CFAP299: variants seen among roughly 807,000 people sequenced by gnomAD.
CFAP299 encodes the protein cilia and flagella associated protein 299.
Under a neutral mutation model 27.0 loss-of-function variants are expected in CFAP299, and 21 were observed. That is an observed-to-expected ratio of 0.78 (90% CI 0.55 to 1.12). The LOEUF (loss-of-function observed/expected upper bound fraction) is 1.12, where lower values mean the gene tolerates loss of function less well. Ranked by LOEUF, CFAP299 falls within the 50% of genes most tolerant of loss-of-function variation. CFAP299 has a pLI of 0.00. For missense variants in CFAP299, 310 were observed against 276.6 expected (o/e 1.12, Z -0.86); for synonymous variants, 104 against 98.1 (o/e 1.06, Z -0.36).
At chr4:80,658,704 C>T (rs1740685654) in intron 3 of CFAP299, among the ~76,000 whole-genome samples, 1 of 152,052 alleles carries the variant, frequency 6.6e-6, no homozygotes, top group South Asian at 2.1e-4. Context: ...TTCATCCTCT[C>T]TCAGATAGTA....
At chr4:80,743,735 A>G (rs963810436) in intron 3 of CFAP299, among the ~76,000 whole-genome samples, 9 of 152,230 alleles carry the variant, frequency 5.9e-5, no homozygotes, top group Admixed American at 1.3e-4. Context: ...TAAAACCTAG[A>G]TGATGGGTTG....
intron 3 of CFAP299, among the ~76,000 whole-genome samples, chr4:80,741,229 C>T (rs1175551777): frequency 6.6e-6 from 1 of 152,038 alleles, no homozygotes; most frequent in African/African-American, 2.4e-5. Flanking sequence ...TATTCAGGGA[C>T]AAGTGTTTTG....
intron 3 of CFAP299, among the ~76,000 whole-genome samples, chr4:80,751,953 A>G (rs976642934): frequency 3.9e-5 from 6 of 152,138 alleles, no homozygotes; most frequent in Non-Finnish European, 8.8e-5. Context: ...GGGCCAGAGT[A>G]TGTAAAACTT....
intron 4 of CFAP299, among the ~76,000 whole-genome samples, chr4:80,944,104 AAAT>A (rs1266244142): frequency 7.3e-5 from 11 of 149,774 alleles, no homozygotes; most frequent in Non-Finnish European, 1.5e-4. Flanking sequence ...ATAAATAAAT[AAAT>A]AATACTTGAA....
intron 1 of CFAP299, among the ~76,000 whole-genome samples, chr4:80,359,409 C>T (rs1271540963): frequency 1.3e-5 from 2 of 152,130 alleles, no homozygotes; most frequent in Admixed American, 6.5e-5. Flanking sequence ...TCCTGAAATA[C>T]ATTTTCCAAG....
rs144578356 is a variant in CFAP299 at position 80,946,547 on chromosome 4, A to G, written c.606+1608A>G. 5.3e-5 allele frequency among the ~76,000 whole-genome samples: 8 copies of G among 152,316 alleles called. No individual in the cohort carries two copies. The East Asian group carries it at 1.5e-3, about 29-fold the overall frequency. The stretch of plus-strand genomic sequence containing the variant: ...AGCTGGGAAATATAATCTTTATTCA[A>G]ATGACAATGCACCCAGCTAAAAACA... On this transcript the variant is annotated intron_variant, in intron 5 of 5. Coordinates refer to ENST00000358105, the MANE Select transcript of CFAP299 (RefSeq NM_152770.3).
At chr4:80,376,272 A>T (rs1724405019) in intron 2 of CFAP299, among the ~76,000 whole-genome samples, 1 of 151,030 alleles carries the variant, frequency 6.6e-6, no homozygotes, top group South Asian at 2.1e-4. Flanking sequence ...GTAATATGGC[A>T]TTTTCTAGGT....
At chr4:80,333,303 T>C (rs1312225542), upstream of CFAP299, among the ~76,000 whole-genome samples, 1 of 152,118 alleles carries the variant, frequency 6.6e-6, no homozygotes, top group African/African-American at 2.4e-5. Flanking sequence ...GCAAAAAAGC[T>C]CTCCTTGGCT....
chr4:80,858,858 T>A (rs1369921687), intron 3 of CFAP299, among the ~76,000 whole-genome samples: 1 of 152,142 alleles, frequency 6.6e-6, no homozygotes, highest in Admixed American at 6.6e-5. Context: ...ATAGGTGTGG[T>A]GTGGTGCTGA....
chr4:80,577,795 T>C (rs187791665), intron 2 of CFAP299, among the ~76,000 whole-genome samples: 28 of 152,298 alleles, frequency 1.8e-4, no homozygotes, highest in African/African-American at 5.8e-4. Flanking sequence ...CACAAATATG[T>C]AGTGAAAGAA....
At chr4:80,937,312 CTTTTTTTTT>C (rs70956081) in intron 4 of CFAP299, among the ~76,000 whole-genome samples, 3 of 68,658 alleles carry the variant, frequency 4.4e-5, no homozygotes, top group African/African-American at 2.0e-4. Flanking sequence ...TTTTTTCTTT[CTTTTTTTTT>C]TTTTTTTTTT....
At chr4:80,662,499 G>A (rs997888626) in intron 3 of CFAP299, among the ~76,000 whole-genome samples, 2 of 152,090 alleles carry the variant, frequency 1.3e-5, no homozygotes, top group Non-Finnish European at 2.9e-5. Flanking sequence ...CTCAGGGGAG[G>A]TAAGTATTGT....
At chr4:80,957,651 A>G (rs560466525) in intron 5 of CFAP299, among the ~76,000 whole-genome samples, 2 of 152,214 alleles carry the variant, frequency 1.3e-5, no homozygotes, top group African/African-American at 4.8e-5. Flanking sequence ...GCATTACTAC[A>G]GACAAGAATT....
At chr4:80,904,229 T>C (rs1290799192) in intron 4 of CFAP299, among the ~76,000 whole-genome samples, 4 of 152,206 alleles carry the variant, frequency 2.6e-5, no homozygotes, top group African/African-American at 9.6e-5. Context: ...TTAACATTTT[T>C]GGTCTGGAGA....
intron 2 of CFAP299, among the ~76,000 whole-genome samples, chr4:80,507,280 T>G (rs1422296902): frequency 6.6e-6 from 1 of 152,120 alleles, no homozygotes; most frequent in Non-Finnish European, 1.5e-5. Context: ...CATTTCAGAG[T>G]GACAAGCCCT....
At chr4:80,616,506 A>G (rs535801585) in intron 3 of CFAP299, among the ~76,000 whole-genome samples, 149 of 152,114 alleles carry the variant, frequency 9.8e-4, no homozygotes, top group African/African-American at 3.5e-3. Context: ...ACTTTATTTT[A>G]CAGATGAAAA....
intron 3 of CFAP299, among the ~76,000 whole-genome samples, chr4:80,767,729 T>G (rs1386536634): frequency 6.6e-6 from 1 of 152,256 alleles, no homozygotes; most frequent in Non-Finnish European, 1.5e-5. Context: ...GAGACTATTG[T>G]GGCTGATTTA....
chr4:80,940,135 C>T (rs181193568), intron 4 of CFAP299, among the ~76,000 whole-genome samples: 1 of 152,194 alleles, frequency 6.6e-6, no homozygotes, highest in Admixed American at 6.6e-5. Flanking sequence ...TGAGGTTTTC[C>T]ATAGAGCTCA....
At chr4:80,688,887 G>A (rs1391666840) in intron 3 of CFAP299, among the ~76,000 whole-genome samples, 2 of 151,718 alleles carry the variant, frequency 1.3e-5, no homozygotes, top group East Asian at 3.9e-4. Context: ...CGAGAACTAC[G>A]TGAAGAATGC....
Sources: gnomAD v4.1 joint callset for allele counts (sites outside exome capture counted in the v4.1 genomes callset) on GRCh38, gnomAD v4.1.1 for gene constraint, MANE v1.5 for transcripts, NCBI Gene and HGNC (gene_info 2026-07-23, HGNC 2026-07-21) for gene names.